The following REC114 variants were observed in gnomAD, a reference collection of about 807,000 sequenced individuals.
The protein encoded by REC114 is REC114 meiotic recombination protein, also known as meiotic recombination protein REC114.
Under a neutral mutation model 31.3 loss-of-function variants are expected in REC114, and 27 were observed. That is an observed-to-expected ratio of 0.86 (90% CI 0.64 to 1.19). The LOEUF (loss-of-function observed/expected upper bound fraction) is 1.19, where lower values mean the gene tolerates loss of function less well. Ranked by LOEUF, REC114 falls within the 50% of genes most tolerant of loss-of-function variation. REC114 has a pLI of 0.00. For synonymous variants in REC114, 134 were observed against 127.7 expected (o/e 1.05, Z -0.33); for missense variants, 344 against 326.9 (o/e 1.05, Z -0.40).
intron 2 of REC114, among the ~76,000 whole-genome samples, chr15:73,509,826 G>T (rs1350966196): frequency 6.6e-6 from 1 of 152,098 alleles, no homozygotes; most frequent in East Asian, 1.9e-4. Context: ...CCAGTCCCAT[G>T]CTGTTTTGGT....
At chr15:73,499,868 T>TTAC (rs1471166047) in intron 2 of REC114, among the ~76,000 whole-genome samples, 1 of 152,194 alleles carries the variant, frequency 6.6e-6, no homozygotes, top group Non-Finnish European at 1.5e-5. Flanking sequence ...TGTTATTGTA[T>TTAC]TACTGACTAG....
At chr15:73,505,911 T>C (rs1054926088) in intron 2 of REC114, among the ~76,000 whole-genome samples, 7 of 152,214 alleles carry the variant, frequency 4.6e-5, no homozygotes, top group African/African-American at 1.7e-4. Flanking sequence ...TATTGTGATG[T>C]CATGCTCTTA....
chr15:73,446,215 T>G (rs560247191), intron 1 of REC114, among the ~76,000 whole-genome samples: 1 of 152,360 alleles, frequency 6.6e-6, no homozygotes, highest in African/African-American at 2.4e-5. Flanking sequence ...CCCTTTTGTC[T>G]GGTTTGACTA....
chr15:73,503,884 C>A (rs1055397075), intron 2 of REC114, among the ~76,000 whole-genome samples: 1 of 150,024 alleles, frequency 6.7e-6, no homozygotes, highest in Admixed American at 6.6e-5. Context: ...CTGTTATTGG[C>A]TTTTCAATTA....
chr15:73,508,615 C>G (rs182993850), intron 2 of REC114, among the ~76,000 whole-genome samples: 6,141 of 119,516 alleles, frequency 0.051, 171 homozygotes, highest in South Asian at 0.085. Context: ...CCACAACAGT[C>G]CCCAGAGTGT....
intron 1 of REC114, among the ~76,000 whole-genome samples, chr15:73,453,373 C>G (rs184563141): frequency 6.6e-6 from 1 of 152,144 alleles, no homozygotes; most frequent in African/African-American, 2.4e-5. Flanking sequence ...TAAAAAAGCT[C>G]GTCATCACTG....
intron 1 of REC114, among the ~76,000 whole-genome samples, chr15:73,471,843 A>T (rs1310108655): frequency 6.6e-6 from 1 of 152,230 alleles, no homozygotes; most frequent in Non-Finnish European, 1.5e-5. Context: ...CATGAAAATG[A>T]ATACACATGC....
intron 2 of REC114, among the ~76,000 whole-genome samples, chr15:73,529,541 AAAT>A (rs1367618345): frequency 6.6e-6 from 1 of 152,170 alleles, no homozygotes; most frequent in Non-Finnish European, 1.5e-5. Flanking sequence ...GATGTAAGTA[AAAT>A]AAGATTGGCC....
intron 3 of REC114, among the ~76,000 whole-genome samples, chr15:73,543,578 C>G (rs1267047509): frequency 6.6e-6 from 1 of 152,150 alleles, no homozygotes; most frequent in Non-Finnish European, 1.5e-5. Context: ...ATCTGCCCGC[C>G]TCGGCCTCCC....
chr15:73,554,140 A>G (rs1371727576), intron 4 of REC114, among the ~76,000 whole-genome samples: 1 of 152,230 alleles, frequency 6.6e-6, no homozygotes, highest in Non-Finnish European at 1.5e-5. Flanking sequence ...TCCAGAGCCA[A>G]GAGAGGGCAT....
chr15:73,443,181 A>C lies in REC114; in HGVS notation c.-5A>C, dbSNP rs1341906859. 4 of 1,559,876 alleles carry C rather than the reference A, an allele frequency of 2.6e-6. No individual in the cohort carries two copies. Among genetic ancestry groups the C allele is most frequent in the Non-Finnish European group, 2.6e-6 (3 of 1,154,316 alleles). On this transcript the variant is annotated 5_prime_UTR_variant, in exon 1 of 6. Coordinates refer to ENST00000331090, the MANE Select transcript of REC114 (RefSeq NM_001042367.2). The stretch of plus-strand genomic sequence containing the variant: ...CCGCCGGCAGTGCGTGTGGTGAGGC[A>C]GGACATGGCGGAGGCAGGAAAAGTG...
At chr15:73,523,889 T>A (rs1893971548) in intron 2 of REC114, among the ~76,000 whole-genome samples, 1 of 152,192 alleles carries the variant, frequency 6.6e-6, no homozygotes, top group African/African-American at 2.4e-5. Context: ...AGGGTCAAGG[T>A]CCCCTTCTTC....
chr15:73,468,227 A>G (rs901663904), intron 1 of REC114, among the ~76,000 whole-genome samples: 6 of 152,142 alleles, frequency 3.9e-5, no homozygotes, highest in African/African-American at 1.4e-4. Flanking sequence ...AAATCTTCCT[A>G]TCTGTGAACA....
intron 3 of REC114, among the ~76,000 whole-genome samples, chr15:73,546,736 C>G (rs957259634): frequency 2.0e-5 from 3 of 151,098 alleles, no homozygotes; most frequent in African/African-American, 7.3e-5. Context: ...ATCGCTTGAA[C>G]CCGGGAAGTG....
chr15:73,506,708 A>G (rs74382942), intron 2 of REC114, among the ~76,000 whole-genome samples: 74 of 152,340 alleles, frequency 4.9e-4, no homozygotes, highest in Middle Eastern at 3.4e-3. Context: ...AATGAGTTTT[A>G]TAAGTCTCAT....
intron 3 of REC114, among the ~76,000 whole-genome samples, chr15:73,541,252 T>C (rs1030778652): frequency 1.3e-5 from 2 of 152,188 alleles, no homozygotes; most frequent in African/African-American, 4.8e-5. Context: ...TGACCTCTAA[T>C]TGAAATGTAT....
chr15:73,554,146 G>A (rs926982352), intron 4 of REC114, among the ~76,000 whole-genome samples: 1 of 152,128 alleles, frequency 6.6e-6, no homozygotes, highest in African/African-American at 2.4e-5. Flanking sequence ...GCCAAGAGAG[G>A]GCATGATAAG....
intron 2 of REC114, among the ~76,000 whole-genome samples, chr15:73,518,021 A>G (rs887460666): frequency 2.6e-5 from 4 of 152,228 alleles, no homozygotes; most frequent in African/African-American, 9.6e-5. Flanking sequence ...TATGTTGAAT[A>G]TTGCCGATGC....
At chr15:73,531,656 A>G (rs1894083881) in intron 2 of REC114, among the ~76,000 whole-genome samples, 2 of 152,188 alleles carry the variant, frequency 1.3e-5, no homozygotes, top group African/African-American at 4.8e-5. Flanking sequence ...TTCAACAGAC[A>G]TGCTGGGCAC....
Sources: allele counts gnomAD v4.1 joint callset (sites outside exome capture counted in the v4.1 genomes callset), GRCh38; gene constraint gnomAD v4.1.1; transcripts MANE v1.5; gene names NCBI Gene and HGNC (gene_info 2026-07-23, HGNC 2026-07-21).